The following SPOCK1 variants were observed in gnomAD, a reference collection of about 807,000 sequenced individuals.
SPOCK1 encodes the protein SPARC (osteonectin), cwcv and kazal like domains proteoglycan 1, also known as testican-1.
Under a neutral mutation model 55.3 loss-of-function variants are expected in SPOCK1, and 23 were observed. The ratio of observed to expected loss-of-function variants is 0.42; its 90% CI spans 0.30 to 0.59. The LOEUF (loss-of-function observed/expected upper bound fraction) is 0.59, where lower values mean the gene tolerates loss of function less well. Ranked by LOEUF, SPOCK1 falls within the 20% of genes least tolerant of loss-of-function variation. The pLI is 0.22. For missense variants in SPOCK1, 499 were observed against 552.5 expected, an observed-to-expected ratio of 0.90 and a Z score of 0.97; for synonymous variants, 226 against 221.0, an observed-to-expected ratio of 1.02 and a Z score of -0.20.
Position 137,413,060 on chromosome 5 carries a change from G to T in SPOCK1, c.186+85313C>A, listed in dbSNP as rs146984754. Among the ~76,000 whole-genome samples the T allele has an allele frequency of 1.5e-3, 222 of 152,122 alleles. 1 individual carries two copies. The Middle Eastern group carries it at 0.017, about 12-fold the overall frequency. On this transcript the variant is annotated intron_variant, in intron 2 of 10. Transcript: ENST00000394945. The stretch of plus-strand genomic sequence containing the variant: ...TAAAATCTTAAAAGTAATTTTTGGA[G>T]GTGCTGTATCAAAAACTTACAGTCA...
intron 2 of SPOCK1, among the ~76,000 whole-genome samples, chr5:137,362,754 G>A (rs1346090225): frequency 6.6e-6 from 1 of 152,206 alleles, no homozygotes; most frequent in Non-Finnish European, 1.5e-5. Context: ...AATGAGCATG[G>A]TTGCCTTCAA....
At chr5:137,088,958 G>T (rs1333896711) in intron 5 of SPOCK1, among the ~76,000 whole-genome samples, 1 of 152,180 alleles carries the variant, frequency 6.6e-6, no homozygotes, top group Non-Finnish European at 1.5e-5. Context: ...CTTGTGAGAA[G>T]CAAGAAGCTT....
At chr5:137,124,153 C>G (rs780765291) in intron 4 of SPOCK1, among the ~76,000 whole-genome samples, 3 of 152,156 alleles carry the variant, frequency 2.0e-5, no homozygotes, top group Non-Finnish European at 2.9e-5. Context: ...AGAAACTGCT[C>G]AAGTTGGAGA....
intron 2 of SPOCK1, among the ~76,000 whole-genome samples, chr5:137,337,374 T>G (rs540458980): frequency 6.6e-6 from 1 of 152,310 alleles, no homozygotes; most frequent in Non-Finnish European, 1.5e-5. Context: ...AAAACACATT[T>G]CCACTGGAGT....
At chr5:137,433,387 G>A (rs1305054434) in intron 2 of SPOCK1, among the ~76,000 whole-genome samples, 1 of 152,162 alleles carries the variant, frequency 6.6e-6, no homozygotes, top group Non-Finnish European at 1.5e-5. Context: ...ATGGAGGAGG[G>A]CAGGAGATAA....
chr5:137,269,486 G>A (rs1368872645), intron 2 of SPOCK1, among the ~76,000 whole-genome samples: 1 of 152,164 alleles, frequency 6.6e-6, no homozygotes, highest in Non-Finnish European at 1.5e-5. Flanking sequence ...AGCCCACTTG[G>A]GGGATGGTCA....
chr5:137,491,718 T>G (rs541012186), intron 2 of SPOCK1, among the ~76,000 whole-genome samples: 1 of 152,340 alleles, frequency 6.6e-6, no homozygotes, highest in Admixed American at 6.5e-5. Flanking sequence ...GTGCCTAGTA[T>G]GCTTCTAAAA....
At chr5:137,361,855 A>G (rs1463392246) in intron 2 of SPOCK1, among the ~76,000 whole-genome samples, 2 of 152,148 alleles carry the variant, frequency 1.3e-5, no homozygotes, top group African/African-American at 4.8e-5. Flanking sequence ...AGAAGTCAAG[A>G]CTCTGGGTGA....
chr5:137,421,369 G>A lies in SPOCK1; in HGVS notation c.186+77004C>T, dbSNP rs7717851. On this transcript the variant is annotated intron_variant, in intron 2 of 10. Transcript: ENST00000394945. Reference sequence around the variant, plus strand: ...GATATCCTTGTTAACTTTCTGTCTCGTTGATCTGTCTAATGTTGACAGTGG... The same window carrying A: ...GATATCCTTGTTAACTTTCTGTCTCATTGATCTGTCTAATGTTGACAGTGG... 1.8e-3 allele frequency among the ~76,000 whole-genome samples: 275 copies of A among 152,220 alleles called. 1 individual carries two copies. The highest frequency in any genetic ancestry group is 6.1e-3 in the African/African-American group (254 of 41,534).
At chr5:137,017,814 A>T (rs544219041) in intron 6 of SPOCK1, among the ~76,000 whole-genome samples, 2 of 152,344 alleles carry the variant, frequency 1.3e-5, no homozygotes, top group African/African-American at 4.8e-5. Context: ...AAATTTTAAA[A>T]AATTCTAAAA....
chr5:137,179,206 G>C (rs1296142027), intron 3 of SPOCK1, among the ~76,000 whole-genome samples: 1 of 152,126 alleles, frequency 6.6e-6, no homozygotes, highest in Non-Finnish European at 1.5e-5. Context: ...TAAAAATAAA[G>C]GGACTGGTTT....
chr5:137,380,008 C>T (rs530619251), intron 2 of SPOCK1, among the ~76,000 whole-genome samples: 1 of 152,306 alleles, frequency 6.6e-6, no homozygotes, highest in Non-Finnish European at 1.5e-5. Flanking sequence ...CAGGGAAGAG[C>T]TTTCCAAGCA....
chr5:137,478,560 TC>T (rs1297419282), intron 2 of SPOCK1, among the ~76,000 whole-genome samples: 1 of 151,974 alleles, frequency 6.6e-6, no homozygotes, highest in Non-Finnish European at 1.5e-5. Context: ...AAACAAGCTT[TC>T]CCCCCAGCCC....
intron 6 of SPOCK1, among the ~76,000 whole-genome samples, chr5:137,064,371 G>A (rs545978152): frequency 1.2e-4 from 19 of 152,254 alleles, no homozygotes; most frequent in African/African-American, 4.3e-4. Context: ...TTGTGTGTGT[G>A]TATGTGTGCG....
At chr5:137,263,112 T>G (rs1412087093) in intron 3 of SPOCK1, among the ~76,000 whole-genome samples, 1 of 152,202 alleles carries the variant, frequency 6.6e-6, no homozygotes, top group Admixed American at 6.5e-5. Flanking sequence ...AGACTGCACT[T>G]ACCAAAGTGT....
chr5:137,066,987 C>CACACACAGAGAGAGAGAGAGAGAGAGAG (rs1343691789), intron 6 of SPOCK1, among the ~76,000 whole-genome samples: 3 of 139,584 alleles, frequency 2.1e-5, no homozygotes, highest in African/African-American at 7.9e-5. Context: ...CACACACACA[C>CACACACAGAGAGAGAGAGAGAGAGAGAG]AGAGAGAGAG....
At chr5:137,469,950 C>T (rs1753696998) in intron 2 of SPOCK1, among the ~76,000 whole-genome samples, 1 of 152,192 alleles carries the variant, frequency 6.6e-6, no homozygotes, top group Non-Finnish European at 1.5e-5. Flanking sequence ...ACATTCCCAT[C>T]TGGGACCCAG....
At chr5:137,252,513 T>C (rs190497418) in intron 3 of SPOCK1, among the ~76,000 whole-genome samples, 1 of 152,326 alleles carries the variant, frequency 6.6e-6, no homozygotes, top group East Asian at 1.9e-4. Flanking sequence ...GGCATTATCT[T>C]TCCTGACTGA....
intron 2 of SPOCK1, among the ~76,000 whole-genome samples, chr5:137,417,332 CTTT>C (rs35711384): frequency 1.4e-3 from 163 of 117,896 alleles, no homozygotes; most frequent in African/African-American, 4.2e-3. Flanking sequence ...TAACCCATTT[CTTT>C]TTTTTTTTTT....
Sources: gnomAD v4.1 joint callset for allele counts (sites outside exome capture counted in the v4.1 genomes callset) on GRCh38, gnomAD v4.1.1 for gene constraint, MANE v1.5 for transcripts, NCBI Gene and HGNC (gene_info 2026-07-23, HGNC 2026-07-21) for gene names.